The following ZNF385D variants were observed in gnomAD, a reference collection of about 807,000 sequenced individuals.
ZNF385D encodes zinc finger protein 385D.
In ZNF385D, 15 loss-of-function variants were observed where a neutral mutation model predicts 35.8. The ratio of observed to expected loss-of-function variants is 0.42; its 90% CI spans 0.28 to 0.64. The LOEUF (loss-of-function observed/expected upper bound fraction) is 0.64, where lower values mean the gene tolerates loss of function less well. Ranked by LOEUF, ZNF385D falls within the 30% of genes least tolerant of loss-of-function variation. ZNF385D has a pLI of 0.23. For missense variants in ZNF385D, 474 were observed against 494.6 expected, an observed-to-expected ratio of 0.96 and a Z score of 0.39; for synonymous variants, 212 against 186.8, an observed-to-expected ratio of 1.13 and a Z score of -1.10.
chr3:22,132,647 G>A (rs1703869173), intron 3 of ZNF385D, among the ~76,000 whole-genome samples: 1 of 151,840 alleles, frequency 6.6e-6, no homozygotes, highest in Non-Finnish European at 1.5e-5. Flanking sequence ...ATGAACTGTA[G>A]AAACGTTACT....
rs370469654 is a variant in ZNF385D, at chr3:22,171,876, C to CAA, written c.107-2843_107-2842dup. Among the ~76,000 whole-genome samples the CAA allele has an allele frequency of 3.4e-3, 338 of 100,724 alleles. 9 individuals are homozygous for CAA. The highest frequency in any genetic ancestry group is 0.011 in the African/African-American group (296 of 26,234). The allele number at this position is 100,724 out of a possible 152,430, so 66.1% of individuals were successfully genotyped here. A position where few individuals can be genotyped will look rare whatever the true frequency, so the allele number is the denominator to read the frequency against. On this transcript the variant is annotated intron_variant, in intron 2 of 5. Transcript: ENST00000494108. ...TGGGCAACAGAGCAAGACTCGGTCT[C>CAA]AAAAAAAAAAAAAAAAAAAAAAAAA...
chr3:22,066,639 G>A (rs547150254), intron 3 of ZNF385D, among the ~76,000 whole-genome samples: 1 of 150,454 alleles, frequency 6.6e-6, no homozygotes, highest in African/African-American at 2.4e-5. Context: ...AGAATTATAA[G>A]ATCAGGGCAG....
intron 2 of ZNF385D, chr3:21,579,619 GT>G (rs1468957107): frequency 2.0e-5 from 3 of 151,980 alleles, no homozygotes; most frequent in Non-Finnish European, 2.9e-5. Flanking sequence ...ATTTTAATGT[GT>G]TTTCTAGGAC....
chr3:21,760,196 T>C (rs1041184860), intron 3 of ZNF385D, among the ~76,000 whole-genome samples: 1 of 152,164 alleles, frequency 6.6e-6, no homozygotes, highest in Non-Finnish European at 1.5e-5. Context: ...CCGGATGCCA[T>C]TTTCACCCTT....
At chr3:21,941,446 G>C (rs958890996) in intron 3 of ZNF385D, among the ~76,000 whole-genome samples, 1 of 149,336 alleles carries the variant, frequency 6.7e-6, no homozygotes, top group Non-Finnish European at 1.5e-5. Context: ...TAGTGATTAA[G>C]CAGGATGTTT....
chr3:22,000,446 T>C (rs1395015473), intron 3 of ZNF385D, among the ~76,000 whole-genome samples: 9 of 152,172 alleles, frequency 5.9e-5, no homozygotes, highest in Non-Finnish European at 1.3e-4. Flanking sequence ...CTATATGGTC[T>C]AAAAAGGGGA....
At chr3:22,021,841 G>A (rs1697241147) in intron 3 of ZNF385D, among the ~76,000 whole-genome samples, 1 of 152,002 alleles carries the variant, frequency 6.6e-6, no homozygotes, top group African/African-American at 2.4e-5. Context: ...CCACTCCCTG[G>A]GATTATGATT....
In ZNF385D at chr3:21,511,085, A is replaced by G. The variant is rs143309086; in HGVS notation, c.277-62T>C. On this transcript the variant is annotated intron_variant, in intron 3 of 7. Coordinates refer to ENST00000281523, the MANE Select transcript of ZNF385D (RefSeq NM_024697.3). ...TCATTTCTAAACTGGCATTCTCTGT[A>G]TTACTGCAAATACAGACTCCCTTTC... 3,504 of 1,593,904 alleles carry G rather than the reference A, an allele frequency of 2.2e-3. 6 individuals are homozygous for G. The highest frequency in any genetic ancestry group is 3.7e-3 in the Middle Eastern group (18 of 4,834).
intron 3 of ZNF385D, among the ~76,000 whole-genome samples, chr3:22,001,501 A>T (rs1695844597): frequency 6.6e-6 from 1 of 152,144 alleles, no homozygotes; most frequent in Non-Finnish European, 1.5e-5. Context: ...ATATTACTGG[A>T]TATAAAGAGA....
At chr3:21,959,249 C>T (rs762554638) in intron 3 of ZNF385D, among the ~76,000 whole-genome samples, 19 of 152,022 alleles carry the variant, frequency 1.2e-4, no homozygotes, top group Non-Finnish European at 2.9e-5. Context: ...GTAGTGCCTA[C>T]AACAGATAAG....
intron 3 of ZNF385D, among the ~76,000 whole-genome samples, chr3:22,033,333 C>T (rs764265477): frequency 1.3e-5 from 2 of 151,424 alleles, no homozygotes; most frequent in Non-Finnish European, 2.9e-5. Context: ...ACCCAGGAGA[C>T]AGAGGTTGCA....
chr3:21,605,801 G>C lies in ZNF385D; in HGVS notation c.166-41117C>G, dbSNP rs189083503. 3.9e-5 allele frequency among the ~76,000 whole-genome samples: 6 copies of C among 152,276 alleles called. No individual in the cohort carries two copies. The East Asian group carries it at 1.2e-3, about 29-fold the overall frequency. On this transcript the variant is annotated intron_variant, in intron 2 of 7. Transcript: ENST00000281523. ...TTGTAAGGATATGGATGAGGACATT[G>C]AAAGATTCTTACCCTGATCTTTAAT...
At chr3:22,178,695 C>T (rs1005940973) in intron 2 of ZNF385D, among the ~76,000 whole-genome samples, 4 of 152,146 alleles carry the variant, frequency 2.6e-5, no homozygotes, top group African/African-American at 9.7e-5. Flanking sequence ...CCTAGGTTTT[C>T]TTCTAGGGTT....
chr3:21,807,481 A>T (rs2072706629), intron 3 of ZNF385D, among the ~76,000 whole-genome samples: 1 of 152,188 alleles, frequency 6.6e-6, no homozygotes, highest in Non-Finnish European at 1.5e-5. Flanking sequence ...AAAACCAACA[A>T]CAGAAACTAC....
intron 1 of ZNF385D, among the ~76,000 whole-genome samples, chr3:21,681,698 G>GAAAAAAAAAAAAAAAAAAAAAAAAAAAA (rs5847124): frequency 7.5e-6 from 1 of 133,224 alleles, no homozygotes; most frequent in Non-Finnish European, 1.6e-5. Flanking sequence ...AAAAAAAAAC[G>GAAAAAAAAAAAAAAAAAAAAAAAAAAAA]AAAAAAAAAA....
chr3:21,988,926 G>A (rs577044768), intron 3 of ZNF385D, among the ~76,000 whole-genome samples: 129 of 152,320 alleles, frequency 8.5e-4, no homozygotes, highest in Admixed American at 2.8e-3. Context: ...GGAGTGACCC[G>A]ATTTTCCAGG....
intron 4 of ZNF385D, among the ~76,000 whole-genome samples, chr3:21,484,589 G>A (rs1231253265): frequency 6.6e-6 from 1 of 152,156 alleles, no homozygotes; most frequent in Non-Finnish European, 1.5e-5. Flanking sequence ...AGATGGGAAT[G>A]GTCAAGAGTG....
chr3:21,933,957 G>A (rs567377140), intron 3 of ZNF385D, among the ~76,000 whole-genome samples: 24 of 151,604 alleles, frequency 1.6e-4, no homozygotes, highest in African/African-American at 3.4e-4. Flanking sequence ...CTGGTGCATT[G>A]TTGCCTCTCA....
At chr3:21,600,756 A>C (rs2064261984) in intron 2 of ZNF385D, among the ~76,000 whole-genome samples, 1 of 152,188 alleles carries the variant, frequency 6.6e-6, no homozygotes, top group Non-Finnish European at 1.5e-5. Flanking sequence ...CAGTGTATTC[A>C]TAAAAATAGA....
Sources: gnomAD v4.1 joint callset for allele counts (sites outside exome capture counted in the v4.1 genomes callset) on GRCh38, gnomAD v4.1.1 for gene constraint, MANE v1.5 for transcripts, NCBI Gene and HGNC (gene_info 2026-07-23, HGNC 2026-07-21) for gene names.